LPP: variants seen among roughly 807,000 people sequenced by gnomAD.
The protein encoded by LPP is LIM domain containing preferred translocation partner in lipoma, also known as lipoma-preferred partner.
In LPP, 38 loss-of-function variants were observed where a neutral mutation model predicts 60.4. The ratio of observed to expected loss-of-function variants is 0.63; its 90% CI spans 0.49 to 0.83. The LOEUF (loss-of-function observed/expected upper bound fraction) is 0.83. LPP is among the 40% of genes least tolerant of loss of function. LPP has a pLI of 0.00. For synonymous variants in LPP, 328 were observed against 290.8 expected, an observed-to-expected ratio of 1.13 and a Z score of -1.30; for missense variants, 902 against 783.6, an observed-to-expected ratio of 1.15 and a Z score of -1.80.
intron 1 of LPP, among the ~76,000 whole-genome samples, chr3:188,203,424 TAA>T (rs1731775133): frequency 3.1e-5 from 3 of 95,256 alleles, no homozygotes; most frequent in Non-Finnish European, 5.5e-5. Flanking sequence ...ATATATAATA[TAA>T]ATATAAATAT....
rs567958028 is a variant in LPP, at chr3:188,321,010, A to G, written c.-66-20653A>G. Among the ~76,000 whole-genome samples the G allele has an allele frequency of 2.0e-5, 3 of 152,316 alleles. No individual in the cohort carries two copies. The South Asian group carries it at 6.2e-4, about 32-fold the overall frequency. ...CCTGTTTGATTTTCCTCATCCTCAC[A>G]TATAAGATGGAGCCATTTCTCCCTC... is the stretch of plus-strand genomic sequence containing the variant. On this transcript the variant is annotated intron_variant, in intron 2 of 11. Coordinates refer to ENST00000617246, the MANE Select transcript of LPP (RefSeq NM_001375462.1).
At position 188,656,545 on chromosome 3, in the gene LPP, C is replaced by T. The variant is rs139123741; in HGVS notation, c.1113+46701C>T. Among the ~76,000 whole-genome samples, 483 of 152,360 alleles carry T rather than the reference C, an allele frequency of 3.2e-3. 4 individuals are homozygous for T. The highest frequency in any genetic ancestry group is 0.011 in the African/African-American group (452 of 41,594). On this transcript the variant is annotated intron_variant, in intron 7 of 11. Coordinates refer to ENST00000617246, the MANE Select transcript of LPP (RefSeq NM_001375462.1). ...AACCTTTCTGCTCACCTGCCAAGGC[C>T]TTGTGGCTAAGCTTCTGTTTTTGCC... is the stretch of plus-strand genomic sequence containing the variant.
intron 8 of LPP, among the ~76,000 whole-genome samples, chr3:188,738,668 C>T (rs1043412223): frequency 6.6e-6 from 1 of 152,120 alleles, no homozygotes; most frequent in African/African-American, 2.4e-5. Flanking sequence ...AGTTGCTACA[C>T]CCAGCAACTA....
intron 3 of LPP, among the ~76,000 whole-genome samples, chr3:188,382,625 C>G (rs73050744): frequency 0.014 from 2,077 of 152,250 alleles, 40 homozygotes; most frequent in African/African-American, 0.046. Flanking sequence ...GGATTTTAAA[C>G]GCCTTTGGAC....
At chr3:188,574,063 G>A (rs144456570) in intron 6 of LPP, among the ~76,000 whole-genome samples, 301 of 152,190 alleles carry the variant, frequency 2.0e-3, no homozygotes, top group Middle Eastern at 6.8e-3. Flanking sequence ...TGTTCAATGG[G>A]ACAGCAACCA....
At position 188,414,501 on chromosome 3, in the gene LPP, AG is replaced by A. The variant is rs538102141; in HGVS notation, c.193+8189del. ...GTAGTAATGAATATGTGATAATATA[AG>A]TATAATAATAATTTAGCATGTTATC... On this transcript the variant is annotated intron_variant, in intron 4 of 11. Transcript: ENST00000617246. 3.7e-3 allele frequency among the ~76,000 whole-genome samples: 571 copies of A among 152,296 alleles called. 3 individuals carry two copies. The highest frequency in any genetic ancestry group is 0.013 in the African/African-American group (547 of 41,568).
chr3:188,690,973 T>G (rs1398117853), intron 7 of LPP, among the ~76,000 whole-genome samples: 1 of 152,196 alleles, frequency 6.6e-6, no homozygotes, highest in African/African-American at 2.4e-5. Flanking sequence ...CCTTTCTTTC[T>G]TCCTTTAAGA....
chr3:188,212,549 C>T (rs910722707), intron 1 of LPP: 1 of 152,132 alleles, frequency 6.6e-6, no homozygotes, highest in East Asian at 1.9e-4. Flanking sequence ...AAATGTTTAC[C>T]CACCAGGCTG....
At position 188,817,713 on chromosome 3, in the gene LPP, G is replaced by A. The variant is rs78944365; in HGVS notation, c.1411-48487G>A. Among the ~76,000 whole-genome samples the A allele has an allele frequency of 2.0e-3, 307 of 152,216 alleles. 3 individuals carry two copies. Among genetic ancestry groups the A allele is most frequent in the African/African-American group, 6.8e-3 (283 of 41,534 alleles). On this transcript the variant is annotated intron_variant, in intron 9 of 11. Coordinates refer to ENST00000617246, the MANE Select transcript of LPP (RefSeq NM_001375462.1). ...TGTTTGACTTTGAAATGGTTTTAACGTCACTTTGTATACAGAACAAAAATG... is the reference window on the plus strand; with the variant it reads ...TGTTTGACTTTGAAATGGTTTTAACATCACTTTGTATACAGAACAAAAATG...
chr3:188,825,677 C>T (rs1755284043), intron 9 of LPP, among the ~76,000 whole-genome samples: 1 of 152,122 alleles, frequency 6.6e-6, no homozygotes, highest in African/African-American at 2.4e-5. Flanking sequence ...CCTTAACCGA[C>T]TGCCTCCTTT....
At chr3:188,377,535 G>A (rs1031274007) in intron 3 of LPP, among the ~76,000 whole-genome samples, 2 of 152,168 alleles carry the variant, frequency 1.3e-5, no homozygotes, top group African/African-American at 4.8e-5. Context: ...CGTAGCTCTT[G>A]TGCCTTGGTT....
In LPP at chr3:188,884,732, G is replaced by A. The variant is rs1222226389; in HGVS notation, c.*10253G>A. ...AAGCCTCTCTCCCATGAACCACGAT[G>A]TACGTTCCACAGAGGCAGAAACCGC... On this transcript the variant is annotated 3_prime_UTR_variant, in exon 12 of 12. Transcript: ENST00000617246. The A allele has an allele frequency of 8.8e-6, 2 of 226,614 alleles. No homozygotes were observed. The highest frequency in any genetic ancestry group is 8.8e-6 in the Non-Finnish European group (1 of 114,046). 14.0% of individuals were successfully genotyped at this position (226,614 alleles called of 1,614,324 possible).
At chr3:188,443,591 T>G (rs950181036) in intron 4 of LPP, among the ~76,000 whole-genome samples, 3 of 152,206 alleles carry the variant, frequency 2.0e-5, no homozygotes, top group African/African-American at 7.2e-5. Flanking sequence ...GAGAAAATGG[T>G]GGGATGAGTT....
intron 9 of LPP, among the ~76,000 whole-genome samples, chr3:188,767,690 A>G (rs999554689): frequency 2.0e-5 from 3 of 152,192 alleles, no homozygotes; most frequent in African/African-American, 7.2e-5. Context: ...CAAGAAATGA[A>G]TAAATACATA....
At chr3:188,179,383 G>A (rs977055226) in intron 1 of LPP, 7 of 457,778 alleles carry the variant, frequency 1.5e-5, no homozygotes, top group African/African-American at 4.0e-5. Context: ...TTCATTTCCC[G>A]CCTTGTTCCC....
At chr3:188,366,647 C>T (rs1771256061) in intron 3 of LPP, among the ~76,000 whole-genome samples, 1 of 152,160 alleles carries the variant, frequency 6.6e-6, no homozygotes, top group African/African-American at 2.4e-5. Context: ...TCTATTTTGT[C>T]ATTTGCCAAT....
At position 188,779,632 on chromosome 3, in the gene LPP, C is replaced by CA. The variant is rs200621521; in HGVS notation, c.1410+19358dup. Among the ~76,000 whole-genome samples, 167 of 149,828 alleles carry CA rather than the reference C, an allele frequency of 1.1e-3. 1 individual carries two copies. Among genetic ancestry groups the CA allele is most frequent in the African/African-American group, 2.8e-3 (113 of 40,774 alleles). On this transcript the variant is annotated intron_variant, in intron 9 of 11. Transcript: ENST00000617246. The stretch of plus-strand genomic sequence containing the variant: ...CAAAGTGATTTTGCAATGGATTTTG[C>CA]AAAAAAAATGGATGCCATTTTTTTT...
chr3:188,598,646 A>G (rs559425820), intron 6 of LPP, among the ~76,000 whole-genome samples: 2 of 152,142 alleles, frequency 1.3e-5, no homozygotes, highest in Non-Finnish European at 2.9e-5. Flanking sequence ...CTTTTCTTTT[A>G]AACTGGTATT....
At chr3:188,420,126 AT>A (rs1288862657) in intron 4 of LPP, among the ~76,000 whole-genome samples, 203 of 152,218 alleles carry the variant, frequency 1.3e-3, no homozygotes, top group African/African-American at 4.8e-3. Context: ...AAAATCCCAT[AT>A]AGCTCATGCT....
Sources: gnomAD v4.1 joint callset for allele counts (sites outside exome capture counted in the v4.1 genomes callset) on GRCh38, gnomAD v4.1.1 for gene constraint, MANE v1.5 for transcripts, NCBI Gene and HGNC (gene_info 2026-07-23, HGNC 2026-07-21) for gene names.